Variants in STIM1 observed in about 807,000 individuals in gnomAD.
STIM1 encodes stromal interaction molecule 1.
STIM1 carries 25 observed loss-of-function variants against 74.7 expected under a neutral mutation model. That is an observed-to-expected ratio of 0.33 (90% CI 0.24 to 0.47). STIM1 has a LOEUF of 0.47. Ranked by LOEUF, STIM1 falls within the 20% of genes least tolerant of loss-of-function variation. The probability of loss-of-function intolerance (pLI) is 1.00; values close to 1 mark genes in which losing one functional copy is unlikely to be tolerated. For missense variants in STIM1, 728 were observed against 920.8 expected (o/e 0.79, Z 2.71); for synonymous variants, 328 against 348.8 (o/e 0.94, Z 0.66).
At chr11:3,948,302 C>T (rs1252624960) in intron 1 of STIM1, among the ~76,000 whole-genome samples, 1 of 151,908 alleles carries the variant, frequency 6.6e-6, no homozygotes, top group African/African-American at 2.4e-5. Context: ...GTCAGTTTCC[C>T]ATATATCTCC....
chr11:3,986,661 C>T (rs955280988), intron 2 of STIM1, among the ~76,000 whole-genome samples: 1 of 151,820 alleles, frequency 6.6e-6, no homozygotes, highest in African/African-American at 2.4e-5. Context: ...AAGAGCATTC[C>T]AGGAAAGGGG....
At chr11:3,939,898 G>A (rs1210839988) in intron 1 of STIM1, among the ~76,000 whole-genome samples, 1 of 152,170 alleles carries the variant, frequency 6.6e-6, no homozygotes, top group Non-Finnish European at 1.5e-5. Flanking sequence ...TTCTGTAGCT[G>A]AAGCTGTGTG....
chr11:3,945,254 C>G (rs893460495), intron 1 of STIM1, among the ~76,000 whole-genome samples: 1 of 152,096 alleles, frequency 6.6e-6, no homozygotes, highest in Non-Finnish European at 1.5e-5. Context: ...AGAGTGGAGA[C>G]TAGTGCCTGG....
chr11:3,979,578 T>A, intron 2 of STIM1, among the ~76,000 whole-genome samples: 1 of 152,190 alleles, frequency 6.6e-6, no homozygotes, highest in East Asian at 1.9e-4. Flanking sequence ...CCCAAGTAGG[T>A]AGGACTACAG....
intron 2 of STIM1, among the ~76,000 whole-genome samples, chr11:3,970,040 A>G (rs571107735): frequency 1.3e-4 from 20 of 151,448 alleles, no homozygotes; most frequent in African/African-American, 4.1e-4. Context: ...AAGATCTATA[A>G]ATTCTTGGAT....
At position 3,929,986 on chromosome 11, in the gene STIM1, C is replaced by G. The variant is rs116112053; in HGVS notation, c.140-37566C>G. Among the ~76,000 whole-genome samples, 528 of 152,238 alleles carry G rather than the reference C, an allele frequency of 3.5e-3. 3 individuals carry two copies. The highest frequency in any genetic ancestry group is 0.012 in the African/African-American group (496 of 41,548). On this transcript the variant is annotated intron_variant, in intron 1 of 12. Transcript: ENST00000526596. ...TTTCTTCAGTGCCCGGACAACTGGA[C>G]AGAGAATGGAAACAGGGCAATCTGC...
chr11:4,003,869 T>C (rs898898077), intron 2 of STIM1, among the ~76,000 whole-genome samples: 2 of 152,194 alleles, frequency 1.3e-5, no homozygotes, highest in African/African-American at 4.8e-5. Flanking sequence ...CTCCTTAAGC[T>C]GATAAGCAAC....
At chr11:3,873,274 T>C (rs958542982) in intron 1 of STIM1, among the ~76,000 whole-genome samples, 7 of 151,910 alleles carry the variant, frequency 4.6e-5, no homozygotes, top group Admixed American at 1.3e-4. Flanking sequence ...AAAAATTAGC[T>C]GAGCGTGGTG....
At chr11:3,884,993 G>C (rs1287077984) in intron 1 of STIM1, among the ~76,000 whole-genome samples, 2 of 152,078 alleles carry the variant, frequency 1.3e-5, no homozygotes, top group African/African-American at 2.4e-5. Context: ...AGGGTGTGGG[G>C]GGAGAGGGTA....
chr11:3,886,927 C>T (rs1470158527), intron 1 of STIM1, among the ~76,000 whole-genome samples: 1 of 151,418 alleles, frequency 6.6e-6, no homozygotes, highest in African/African-American at 2.4e-5. Context: ...ACTTTTCACT[C>T]AGGAGGCGGA....
intron 1 of STIM1, among the ~76,000 whole-genome samples, chr11:3,899,817 A>G (rs1201917779): frequency 2.0e-5 from 3 of 151,162 alleles, no homozygotes; most frequent in Non-Finnish European, 4.4e-5. Flanking sequence ...GCTGGATTAC[A>G]TTTATTGATT....
intron 2 of STIM1, among the ~76,000 whole-genome samples, chr11:4,012,722 C>A (rs1281746886): frequency 1.3e-5 from 2 of 152,206 alleles, no homozygotes; most frequent in African/African-American, 4.8e-5. Context: ...TTATTTCTTT[C>A]TCTTGCCTGA....
chr11:3,937,997 G>A (rs1166393483), intron 1 of STIM1, among the ~76,000 whole-genome samples: 4 of 151,044 alleles, frequency 2.6e-5, no homozygotes, highest in African/African-American at 7.3e-5. Flanking sequence ...GTAGTGGGGC[G>A]ATCTTGGCTC....
chr11:4,031,062 G>T (rs2094045836), intron 3 of STIM1, among the ~76,000 whole-genome samples: 2 of 152,104 alleles, frequency 1.3e-5, no homozygotes, highest in Non-Finnish European at 2.9e-5. Flanking sequence ...TGTAGTCTCT[G>T]CTCCCCTAGC....
intron 12 of STIM1, among the ~76,000 whole-genome samples, chr11:4,088,276 A>G (rs568745730): frequency 1.3e-5 from 2 of 152,264 alleles, no homozygotes; most frequent in South Asian, 4.2e-4. Context: ...AGTACTTCTC[A>G]TCTCTGAAAT....
intron 2 of STIM1, chr11:3,974,173 T>A (rs2093423137): frequency 3.6e-6 from 2 of 549,640 alleles, no homozygotes; most frequent in African/African-American, 3.8e-5. Context: ...ATTTCAAAGC[T>A]CAACTCTCTG....
chr11:3,863,060 T>C (rs1002702326), intron 1 of STIM1, among the ~76,000 whole-genome samples: 1 of 151,530 alleles, frequency 6.6e-6, no homozygotes, highest in Non-Finnish European at 1.5e-5. Context: ...ACCTGGCTAA[T>C]TTTTGTATTT....
intron 2 of STIM1, among the ~76,000 whole-genome samples, chr11:3,993,065 G>GAA (rs200224671): frequency 1.4e-4 from 18 of 132,782 alleles, no homozygotes; most frequent in African/African-American, 4.8e-4. Context: ...GAGCTTTTTT[G>GAA]AAAAAAAAAA....
chr11:3,897,894 TTTC>T (rs1244643744), intron 1 of STIM1, among the ~76,000 whole-genome samples: 8 of 152,174 alleles, frequency 5.3e-5, no homozygotes, highest in Non-Finnish European at 2.9e-5. Flanking sequence ...TGTGCCACAT[TTTC>T]TTAGTCCAGT....
Sources: allele counts gnomAD v4.1 joint callset (sites outside exome capture counted in the v4.1 genomes callset), GRCh38; gene constraint gnomAD v4.1.1; transcripts MANE v1.5; gene names NCBI Gene and HGNC (gene_info 2026-07-23, HGNC 2026-07-21).